SHOC2: variants seen among roughly 807,000 people sequenced by gnomAD.
The protein encoded by SHOC2 is SHOC2 leucine rich repeat scaffold protein.
In SHOC2, 4 loss-of-function variants were observed where a neutral mutation model predicts 50.2. The observed-to-expected ratio is 0.08, with a 90% CI of 0.04 to 0.18. SHOC2 has a LOEUF of 0.18. SHOC2 is among the 10% of genes least tolerant of loss of function. The probability of loss-of-function intolerance (pLI) is 1.00; values close to 1 mark genes in which losing one functional copy is unlikely to be tolerated. For missense variants in SHOC2, 388 were observed against 669.6 expected, an observed-to-expected ratio of 0.58 and a Z score of 4.64; for synonymous variants, 218 against 244.5, an observed-to-expected ratio of 0.89 and a Z score of 1.01.
At chr10:110,963,165 C>A (rs901065443) in intron 1 of SHOC2, among the ~76,000 whole-genome samples, 1 of 152,190 alleles carries the variant, frequency 6.6e-6, no homozygotes, top group East Asian at 1.9e-4. Flanking sequence ...ACAATAGAGT[C>A]ATAAAATAAG....
intron 3 of SHOC2, among the ~76,000 whole-genome samples, chr10:110,990,194 C>T (rs374799833): frequency 3.3e-5 from 5 of 152,246 alleles, no homozygotes; most frequent in African/African-American, 7.2e-5. Context: ...AGCCCTGGTG[C>T]GGGATCCACT....
intron 1 of SHOC2, among the ~76,000 whole-genome samples, chr10:110,942,338 C>T (rs1476119063): frequency 6.6e-6 from 1 of 151,956 alleles, no homozygotes; most frequent in Non-Finnish European, 1.5e-5. Flanking sequence ...AACAAATATT[C>T]TGTTATTTTG....
At chr10:110,985,372 T>C (rs554035895) in intron 2 of SHOC2, among the ~76,000 whole-genome samples, 1 of 152,220 alleles carries the variant, frequency 6.6e-6, no homozygotes, top group African/African-American at 2.4e-5. Context: ...CTTGAAGTAG[T>C]GGTTTCAGAT....
intron 1 of SHOC2, among the ~76,000 whole-genome samples, chr10:110,962,463 T>G (rs566625415): frequency 6.6e-6 from 1 of 152,240 alleles, no homozygotes; most frequent in East Asian, 1.9e-4. Flanking sequence ...GCAAAATAAT[T>G]TTTTTCTTTT....
At position 110,937,116 on chromosome 10, in the gene SHOC2, C is replaced by T. The variant is rs1590783495; in HGVS notation, c.-235+17459C>T. On this transcript the variant is annotated intron_variant, in intron 1 of 8. Transcript: ENST00000369452. Reference sequence around the variant, plus strand: ...TAGAAATTGCCAGAAATGTTGATGCCTTTGCAGCGTACGACCACCACCTTC... The same window carrying T: ...TAGAAATTGCCAGAAATGTTGATGCTTTTGCAGCGTACGACCACCACCTTC... 8 of 1,472,510 alleles carry T rather than the reference C, an allele frequency of 5.4e-6. No homozygotes were observed. The South Asian group carries it at 7.9e-5, about 15-fold the overall frequency. The allele number at this position is 1,472,510 out of a possible 1,614,324, so 91.2% of individuals were successfully genotyped here. A position where few individuals can be genotyped will look rare whatever the true frequency, so the allele number is the denominator to read the frequency against.
At chr10:110,997,532 T>TC (rs1848290218) in intron 3 of SHOC2, among the ~76,000 whole-genome samples, 5 of 136,580 alleles carry the variant, frequency 3.7e-5, no homozygotes, top group Non-Finnish European at 6.1e-5. Context: ...ATCATGCTTT[T>TC]TCCCCCCCAA....
Position 110,990,770 on chromosome 10 carries a change from C to CA in SHOC2, c.841+5014dup, listed in dbSNP as rs1211883999. On this transcript the variant is annotated intron_variant, in intron 3 of 8. Transcript: ENST00000369452. ...GCTCAAAAAAAACAAAAACAAAAAACAAAAAAAAACACAACAAAATGTTGC... is the reference window on the plus strand; with the variant it reads ...GCTCAAAAAAAACAAAAACAAAAAACAAAAAAAAAACACAACAAAATGTTGC... 1.5e-3 allele frequency among the ~76,000 whole-genome samples: 231 copies of CA among 149,874 alleles called. 4 individuals carry two copies. The highest frequency in any genetic ancestry group is 9.5e-3 in the Admixed American group (143 of 15,078).
rs187936581 is a variant in SHOC2, at chr10:110,937,075, C to A, written c.-235+17418C>A. On this transcript the variant is annotated intron_variant, in intron 1 of 8. Coordinates refer to ENST00000369452, the MANE Select transcript of SHOC2 (RefSeq NM_007373.4). Reference sequence around the variant, plus strand: ...TCCGCTTGCGGAGGAAAGCCAAGTACTTCAACTTGTTTCTGTAGAAATTGC... The same window carrying A: ...TCCGCTTGCGGAGGAAAGCCAAGTAATTCAACTTGTTTCTGTAGAAATTGC... 651 of 1,477,970 alleles carry A rather than the reference C, an allele frequency of 4.4e-4. 2 individuals carry two copies. In the African/African-American group the frequency reaches 8.4e-3, roughly 19 times the overall value. 91.6% of individuals were successfully genotyped at this position (1,477,970 alleles called of 1,614,324 possible).
chr10:110,990,815 G>T (rs1047397068), intron 3 of SHOC2, among the ~76,000 whole-genome samples: 21 of 151,994 alleles, frequency 1.4e-4, no homozygotes, highest in Admixed American at 6.6e-4. Flanking sequence ...CTGCAAATCA[G>T]ACAGGAGAAC....
At chr10:110,947,936 A>T (rs992475822) in intron 1 of SHOC2, among the ~76,000 whole-genome samples, 1 of 152,162 alleles carries the variant, frequency 6.6e-6, no homozygotes, top group Non-Finnish European at 1.5e-5. Flanking sequence ...AGAGTTTTTT[A>T]AAATATATTT....
intron 2 of SHOC2, among the ~76,000 whole-genome samples, chr10:110,966,271 T>A (rs547307863): frequency 6.6e-6 from 1 of 152,236 alleles, no homozygotes; most frequent in East Asian, 1.9e-4. Context: ...TCAAGTAATA[T>A]ACTGTAGAGT....
At chr10:110,994,711 T>C (rs775344754) in intron 3 of SHOC2, among the ~76,000 whole-genome samples, 3 of 152,164 alleles carry the variant, frequency 2.0e-5, no homozygotes, top group Non-Finnish European at 4.4e-5. Flanking sequence ...TTTATACATA[T>C]AAATAAGTGT....
At chr10:111,008,504 A>G (rs1848509974) in intron 6 of SHOC2, among the ~76,000 whole-genome samples, 1 of 152,016 alleles carries the variant, frequency 6.6e-6, no homozygotes, top group African/African-American at 2.4e-5. Context: ...AAATGGGGAT[A>G]ATAAGAGTAT....
chr10:110,990,430 T>C (rs1312810558), intron 3 of SHOC2, among the ~76,000 whole-genome samples: 4 of 152,108 alleles, frequency 2.6e-5, no homozygotes, highest in African/African-American at 9.7e-5. Flanking sequence ...TAGCTCAAGG[T>C]TTGTGAGTGC....
At position 110,979,834 on chromosome 10, in the gene SHOC2, C is replaced by T. The variant is rs139055480; in HGVS notation, c.704-5794C>T. Among the ~76,000 whole-genome samples the T allele has an allele frequency of 5.2e-3, 785 of 152,266 alleles. 8 individuals carry two copies. The highest frequency in any genetic ancestry group is 0.018 in the African/African-American group (752 of 41,536). Reference sequence around the variant, plus strand: ...GGATTCCATTCCTCTCTCATAATTGCATCTTATCTTCTCTATCAACCCAAG... The same window carrying T: ...GGATTCCATTCCTCTCTCATAATTGTATCTTATCTTCTCTATCAACCCAAG... On this transcript the variant is annotated intron_variant, in intron 2 of 8. Transcript: ENST00000369452.
chr10:110,936,271 A>ATT (rs111269195), intron 1 of SHOC2, among the ~76,000 whole-genome samples: 2 of 141,468 alleles, frequency 1.4e-5, no homozygotes, highest in African/African-American at 5.2e-5. Flanking sequence ...TAATTTTTGT[A>ATT]TTTTTTTTTT....
chr10:111,007,521 T>G lies in SHOC2; in HGVS notation c.1162-10T>G. On this transcript the variant is annotated splice_polypyrimidine_tract_variant and intron_variant, in intron 5 of 8. Transcript: ENST00000369452. ...ATTCTACCTTGGATGCTTCTTTTTG[T>G]CTTTGCCAGGACAATCAGTTAACAT... 1 of 1,613,552 alleles carries G rather than the reference T, an allele frequency of 6.2e-7. No homozygotes were observed.
intron 1 of SHOC2, among the ~76,000 whole-genome samples, chr10:110,929,230 C>CT (rs1165299979): frequency 7.9e-5 from 12 of 152,052 alleles, no homozygotes; most frequent in Non-Finnish European, 1.5e-4. Context: ...ATCTTATGGC[C>CT]ATTATCCAGT....
Position 110,964,213 on chromosome 10 carries a change from T to C in SHOC2, c.-146T>C. ...GGGCATAGTGCTTTTAGATCCAACATGTAACAGATGGATGTTACTCCATGC... is the reference window on the plus strand; with the variant it reads ...GGGCATAGTGCTTTTAGATCCAACACGTAACAGATGGATGTTACTCCATGC... On this transcript the variant is annotated 5_prime_UTR_variant, in exon 2 of 9. The change abolishes an upstream ATG in the 5' untranslated region. Coordinates refer to ENST00000369452, the MANE Select transcript of SHOC2 (RefSeq NM_007373.4). The surrounding 1 kb of genome is among the most constrained non-coding windows in gnomAD (Gnocchi z 4.9). 1.6e-6 allele frequency: 2 copies of C among 1,245,234 alleles called. No homozygotes were observed. Among genetic ancestry groups the C allele is most frequent in the Non-Finnish European group, 2.2e-6 (2 of 909,990 alleles). The allele number at this position is 1,245,234 out of a possible 1,614,324, so 77.1% of individuals were successfully genotyped here. A position where few individuals can be genotyped will look rare whatever the true frequency, so the allele number is the denominator to read the frequency against.
Sources: gnomAD v4.1 joint callset for allele counts (sites outside exome capture counted in the v4.1 genomes callset) on GRCh38, gnomAD v4.1.1 for gene constraint, Gnocchi (gnomAD v3.1) non-coding constraint, MANE v1.5 for transcripts, NCBI Gene and HGNC (gene_info 2026-07-23, HGNC 2026-07-21) for gene names.